Variants in DDX17 observed in about 807,000 individuals in gnomAD.
DDX17 encodes the protein DEAD-box helicase 17.
DDX17 carries 10 observed loss-of-function variants against 80.8 expected under a neutral mutation model. The observed-to-expected ratio is 0.12, with a 90% CI of 0.08 to 0.21. The LOEUF (loss-of-function observed/expected upper bound fraction) is 0.21, where lower values mean the gene tolerates loss of function less well. Among genes scored for constraint, DDX17 ranks in the 10% least tolerant of loss-of-function variants. The pLI is 1.00. For missense variants in DDX17, 586 were observed against 957.4 expected (o/e 0.61, Z 5.12); for synonymous variants, 339 against 336.2 (o/e 1.01, Z -0.09).
rs2089826589 is a variant in DDX17, at chr22:38,501,130, T to C, written c.438A>G (p.Pro146=). 3.1e-6 allele frequency: 5 copies of C among 1,613,456 alleles called. No individual in the cohort carries two copies. In the East Asian group the frequency reaches 1.1e-4, roughly 36 times the overall value. Reference sequence around the variant, plus strand: ...CATTAAAACACACATGTAAACTTACTGGTGTCAGCCTTGCTACTTCCGGAT... The same window carrying C: ...CATTAAAACACACATGTAAACTTACCGGTGTCAGCCTTGCTACTTCCGGAT... Residue 146 remains proline (P), a splice_region_variant and synonymous_variant, in exon 2 of 13, where the codon CCA becomes CCG. Coordinates refer to ENST00000403230, the MANE Select transcript of DDX17 (RefSeq NM_006386.5).
At chr22:38,502,458 T>C (rs1305098505) in intron 1 of DDX17, among the ~76,000 whole-genome samples, 1 of 151,802 alleles carries the variant, frequency 6.6e-6, no homozygotes, top group Non-Finnish European at 1.5e-5. Flanking sequence ...CCTTTCCTTC[T>C]TCTTTGATCT....
chr22:38,500,643 C>T (rs991486601), intron 2 of DDX17, among the ~76,000 whole-genome samples: 1 of 150,710 alleles, frequency 6.6e-6, no homozygotes, highest in African/African-American at 2.4e-5. Flanking sequence ...TAGTGAAACT[C>T]CATCTCTGCT....
In DDX17 at chr22:38,485,113, AT is replaced by A. The variant is rs1312096631; in HGVS notation, c.*821del. ...CTCACAGCAGCTGTCTGGATGGAAAATTAATTTCACAGATGGTCCCCAGTTA... is the reference window on the plus strand; with the variant it reads ...CTCACAGCAGCTGTCTGGATGGAAAATAATTTCACAGATGGTCCCCAGTTA... On this transcript the variant is annotated 3_prime_UTR_variant, in exon 13 of 13. Transcript: ENST00000403230. 3 of 152,224 alleles carry A rather than the reference AT, an allele frequency of 2.0e-5. No homozygotes were observed. Among genetic ancestry groups the A allele is most frequent in the African/African-American group, 7.2e-5 (3 of 41,454 alleles). 9.4% of individuals were successfully genotyped at this position (152,224 alleles called of 1,614,324 possible).
chr22:38,496,494 C>T (rs1422946811), intron 5 of DDX17, among the ~76,000 whole-genome samples: 1 of 152,188 alleles, frequency 6.6e-6, no homozygotes, highest in African/African-American at 2.4e-5. Flanking sequence ...GGACTAGAGG[C>T]AGGCACCACC....
intron 1 of DDX17, 70 bp downstream of exon 1, chr22:38,505,881 C>G (rs1242722230): frequency 6.6e-7 from 1 of 1,508,652 alleles, no homozygotes; most frequent in African/African-American, 1.4e-5. Context: ...GCTCGCAGTC[C>G]GCCGGGCCTC....
intron 11 of DDX17, 72 bp downstream of exon 11, chr22:38,491,984 T>C (rs1436005859): frequency 8.9e-7 from 1 of 1,122,928 alleles, no homozygotes; most frequent in Non-Finnish European, 1.3e-6. Flanking sequence ...ACTTGAAGTC[T>C]GAATTTGAAA....
intron 11 of DDX17, chr22:38,490,039 G>A (rs1023953377): frequency 9.6e-7 from 1 of 1,038,896 alleles, no homozygotes; most frequent in East Asian, 8.8e-5. Context: ...ATTTCTAGAA[G>A]GGGGTGCTCA....
At chr22:38,505,207 T>C (rs2089868657) in intron 1 of DDX17, 1 of 152,080 alleles carries the variant, frequency 6.6e-6, no homozygotes, top group African/African-American at 2.4e-5. Context: ...CCACGCCCGG[T>C]CCACAATACC....
chr22:38,500,843 A>AAAAAAAAAAAAAAT (rs2089821457), intron 2 of DDX17, among the ~76,000 whole-genome samples: 1 of 137,524 alleles, frequency 7.3e-6, no homozygotes, highest in Admixed American at 7.3e-5. Flanking sequence ...AAAAAAAAAA[A>AAAAAAAAAAAAAAT]AAATCAGCTG....
intron 9 of DDX17, 76 bp downstream of exon 9, chr22:38,493,942 CACA>C: frequency 1.5e-6 from 2 of 1,294,288 alleles, no homozygotes; most frequent in Non-Finnish European, 2.2e-6. Context: ...TGAAATATTA[CACA>C]ACATTTGGAA....
chr22:38,486,679 C>T (rs895437336), intron 12 of DDX17, among the ~76,000 whole-genome samples: 1 of 152,146 alleles, frequency 6.6e-6, no homozygotes, highest in South Asian at 2.1e-4. Context: ...AGGCCCCTTA[C>T]TTGAGGATGA....
intron 1 of DDX17, 35 bp downstream of exon 1, chr22:38,505,916 C>G (rs1437935641): frequency 2.6e-6 from 4 of 1,532,424 alleles, no homozygotes; most frequent in Admixed American, 4.2e-5. Context: ...CCCCCACCCC[C>G]ACGCCAGGCC....
At chr22:38,503,268 G>A (rs2089848391) in intron 1 of DDX17, among the ~76,000 whole-genome samples, 2 of 152,180 alleles carry the variant, frequency 1.3e-5, no homozygotes, top group African/African-American at 4.8e-5. Context: ...TTTTCAAGAG[G>A]TAGAAAGTCT....
intron 1 of DDX17, among the ~76,000 whole-genome samples, chr22:38,503,133 G>A (rs2089846795): frequency 6.6e-6 from 1 of 152,072 alleles, no homozygotes; most frequent in South Asian, 2.1e-4. Flanking sequence ...CATAGCATAG[G>A]GATACCCGTG....
At position 38,484,308 on chromosome 22, in the gene DDX17, A is replaced by G. The variant is rs200707579; in HGVS notation, c.*1627T>C. The G allele has an allele frequency of 6.6e-5, 10 of 152,526 alleles. No homozygotes were observed. Among genetic ancestry groups the G allele is most frequent in the East Asian group, 5.8e-4 (3 of 5,200 alleles). The allele number at this position is 152,526 out of a possible 1,614,324, so 9.4% of individuals were successfully genotyped here. ...GTGGAAAATTAAAAAAAAAGATGTCAAAGTTTTTACATGCATATATTTCAG... is the reference window on the plus strand; with the variant it reads ...GTGGAAAATTAAAAAAAAAGATGTCGAAGTTTTTACATGCATATATTTCAG... On this transcript the variant is annotated 3_prime_UTR_variant, in exon 13 of 13. Transcript: ENST00000403230.
intron 10 of DDX17, chr22:38,493,431 C>T (rs569393242): frequency 3.1e-5 from 10 of 318,380 alleles, no homozygotes; most frequent in African/African-American, 8.6e-5. Context: ...AGGTGATCCA[C>T]GCGCCTCAGC....
At position 38,489,251 on chromosome 22, in the gene DDX17, G is replaced by C. The variant is rs1192622216; in HGVS notation, c.1448-1136C>G. On this transcript the variant is annotated intron_variant, in intron 11 of 12. Coordinates refer to ENST00000403230, the MANE Select transcript of DDX17 (RefSeq NM_006386.5). The surrounding 1 kb of genome is among the most constrained non-coding windows in gnomAD (Gnocchi z 4.6). ...ACCGATGCACACTCCCTCCTCCTTT[G>C]GGAAACCGCTGCAGCCGATCCCGTC... 1 of 985,748 alleles carries C rather than the reference G, an allele frequency of 1.0e-6. No homozygotes were observed. Among genetic ancestry groups the C allele is most frequent in the African/African-American group, 1.7e-5 (1 of 57,306 alleles). 61.1% of individuals were successfully genotyped at this position (985,748 alleles called of 1,614,324 possible). A position where few individuals can be genotyped will look rare whatever the true frequency, so the allele number is the denominator to read the frequency against.
chr22:38,491,126 CT>C, intron 11 of DDX17: 1 of 152,418 alleles, frequency 6.6e-6, no homozygotes, highest in African/African-American at 2.4e-5. Context: ...GCAGAGAGAA[CT>C]TTCCATCATG....
rs1270285638 is a variant in DDX17 at position 38,484,458 on chromosome 22, A to C, written c.*1477T>G. On this transcript the variant is annotated 3_prime_UTR_variant, in exon 13 of 13. Coordinates refer to ENST00000403230, the MANE Select transcript of DDX17 (RefSeq NM_006386.5). ...AAAACCTCGAGTATAGATCTTACAG[A>C]TGAGCAAGCATTCAGGCCTTAGCCA... 6.6e-6 allele frequency: 1 copy of C among 152,224 alleles called. No homozygotes were observed. Among genetic ancestry groups the C allele is most frequent in the Non-Finnish European group, 1.5e-5 (1 of 68,032 alleles). The allele number at this position is 152,224 out of a possible 1,614,324, so 9.4% of individuals were successfully genotyped here.
Sources: gnomAD v4.1 joint callset for allele counts (sites outside exome capture counted in the v4.1 genomes callset) on GRCh38, gnomAD v4.1.1 for gene constraint, Gnocchi (gnomAD v3.1) non-coding constraint, MANE v1.5 for transcripts, NCBI Gene and HGNC (gene_info 2026-07-23, HGNC 2026-07-21) for gene names.